UBE2F: variants seen among roughly 807,000 people sequenced by gnomAD.
The protein encoded by UBE2F is ubiquitin conjugating enzyme E2 F (putative), also known as NEDD8-conjugating enzyme UBE2F.
Under a neutral mutation model 29.6 loss-of-function variants are expected in UBE2F, and 5 were observed. The ratio of observed to expected loss-of-function variants is 0.17; its 90% confidence interval spans 0.09 to 0.36. UBE2F has a LOEUF of 0.36. Among genes scored for constraint, UBE2F ranks in the 10% least tolerant of loss-of-function variants. The probability of loss-of-function intolerance (pLI) is 1.00; values close to 1 mark genes in which losing one functional copy is unlikely to be tolerated. For missense variants in UBE2F, 141 were observed against 228.5 expected (o/e 0.62, Z 2.47); for synonymous variants, 66 against 81.8 (o/e 0.81, Z 1.04).
chr2:238,001,765 T>G (rs1040032909), intron 4 of UBE2F, among the ~76,000 whole-genome samples: 1 of 151,898 alleles, frequency 6.6e-6, no homozygotes. Context: ...GCTTGCAGTG[T>G]GCCGAGATTG....
chr2:238,022,557 T>G (rs1003960675), intron 5 of UBE2F, among the ~76,000 whole-genome samples: 4 of 152,240 alleles, frequency 2.6e-5, no homozygotes, highest in Admixed American at 1.3e-4. Flanking sequence ...TTGTATGTTA[T>G]GATATGCTTA....
intron 3 of UBE2F, among the ~76,000 whole-genome samples, chr2:237,991,697 G>A (rs2063594625): frequency 6.8e-6 from 1 of 146,862 alleles, no homozygotes; most frequent in South Asian, 2.1e-4. Flanking sequence ...CCACTTCCTG[G>A]ATTCAAGTGA....
chr2:238,032,475 C>T, intron 8 of UBE2F: 4 of 498,792 alleles, frequency 8.0e-6, no homozygotes, highest in Non-Finnish European at 1.1e-5. Flanking sequence ...ATTAGTTGGG[C>T]ATAGTGGCAC....
intron 4 of UBE2F, among the ~76,000 whole-genome samples, chr2:238,014,962 C>T (rs985909440): frequency 2.6e-5 from 4 of 152,060 alleles, no homozygotes; most frequent in African/African-American, 7.3e-5. Context: ...ACTAGAAATA[C>T]GCATCTCAAG....
chr2:237,984,127 C>T (rs148185160), intron 2 of UBE2F, among the ~76,000 whole-genome samples: 189 of 151,652 alleles, frequency 1.2e-3, no homozygotes, highest in Middle Eastern at 0.01. Context: ...CTGGCACTCC[C>T]GCATCCCAGC....
At chr2:238,031,133 G>A (rs895194320) in intron 7 of UBE2F, among the ~76,000 whole-genome samples, 1 of 152,230 alleles carries the variant, frequency 6.6e-6, no homozygotes, top group African/African-American at 2.4e-5. Context: ...TCCTGACCCA[G>A]CTCCTCCGAG....
At chr2:237,976,716 C>T (rs2063288402) in intron 2 of UBE2F, among the ~76,000 whole-genome samples, 1 of 152,170 alleles carries the variant, frequency 6.6e-6, no homozygotes, top group Non-Finnish European at 1.5e-5. Context: ...CCTAGAGGCC[C>T]CACCTCTTAA....
intron 2 of UBE2F, among the ~76,000 whole-genome samples, chr2:237,976,954 G>A (rs188372177): frequency 2.7e-4 from 41 of 152,236 alleles, no homozygotes; most frequent in Non-Finnish European, 4.7e-4. Flanking sequence ...CTCTGTGGGG[G>A]CAGATGCGAC....
intron 4 of UBE2F, among the ~76,000 whole-genome samples, chr2:238,015,387 G>A (rs897352415): frequency 2.6e-5 from 4 of 152,140 alleles, no homozygotes; most frequent in Non-Finnish European, 5.9e-5. Flanking sequence ...TGATCATTCA[G>A]TTCTTAAAAG....
At chr2:237,985,714 C>T (rs958907535) in intron 2 of UBE2F, among the ~76,000 whole-genome samples, 2 of 152,140 alleles carry the variant, frequency 1.3e-5, no homozygotes, top group African/African-American at 4.8e-5. Context: ...GGTAGATAAC[C>T]AGAGTGGGAT....
chr2:237,981,363 G>T (rs941388149), intron 2 of UBE2F, among the ~76,000 whole-genome samples: 1 of 151,846 alleles, frequency 6.6e-6, no homozygotes, highest in African/African-American at 2.4e-5. Context: ...GATGAGCACT[G>T]TGGGAGTGTG....
intron 2 of UBE2F, 118 bp from the exon 3 acceptor site, chr2:237,987,845 G>A: frequency 1.8e-6 from 1 of 559,462 alleles, no homozygotes; most frequent in Non-Finnish European, 3.0e-6. Flanking sequence ...GTTTTATTCA[G>A]TTCATCCTTT....
At chr2:238,002,063 ATTTT>A (rs10695548) in intron 4 of UBE2F, among the ~76,000 whole-genome samples, 1 of 126,190 alleles carries the variant, frequency 7.9e-6, no homozygotes, top group Non-Finnish European at 1.6e-5. Flanking sequence ...GAATATCCCA[ATTTT>A]TTTTTTTTTT....
rs908216511 is a variant in UBE2F at position 237,969,346 on chromosome 2, A to T, written c.-17+2214A>T. On this transcript the variant is annotated intron_variant, in intron 1 of 9. Transcript: ENST00000272930. ...TTCTTGGTGGTTGGCCTTTGAGTGC[A>T]TGAAGGATCTCTCTCCCCAGGCTTC... is the stretch of plus-strand genomic sequence containing the variant. Among the ~76,000 whole-genome samples the T allele has an allele frequency of 3.9e-4, 60 of 152,014 alleles. 1 individual carries two copies. The highest frequency in any genetic ancestry group is 1.5e-3 in the African/African-American group (60 of 41,378).
At position 237,972,566 on chromosome 2, in the gene UBE2F, T is replaced by C. The variant is rs1388538604; in HGVS notation, c.-16-526T>C. ...ATTTTTTTTTTTTTTTTTTTTTTTT[T>C]TTGAGACAGGGTCTTGCCGTGTCAC... On this transcript the variant is annotated intron_variant, in intron 1 of 9. Transcript: ENST00000272930. Among the ~76,000 whole-genome samples the C allele has an allele frequency of 7.1e-3, 772 of 108,154 alleles. 4 individuals carry two copies. The highest frequency in any genetic ancestry group is 0.011 in the Non-Finnish European group (566 of 50,334). 71.0% of individuals were successfully genotyped at this position (108,154 alleles called of 152,430 possible).
chr2:237,992,666 A>G (rs1469623979), intron 3 of UBE2F, among the ~76,000 whole-genome samples: 2 of 152,334 alleles, frequency 1.3e-5, no homozygotes, highest in Middle Eastern at 3.4e-3. Flanking sequence ...GTCATGAACT[A>G]GTTATTAATG....
intron 6 of UBE2F, among the ~76,000 whole-genome samples, chr2:238,030,266 A>G (rs760795112): frequency 5.3e-5 from 8 of 152,108 alleles, no homozygotes; most frequent in African/African-American, 9.7e-5. Context: ...TAAATTGACA[A>G]ATGTTCTTTG....
At chr2:238,026,468 T>C (rs1481348356) in intron 6 of UBE2F, among the ~76,000 whole-genome samples, 2 of 152,096 alleles carry the variant, frequency 1.3e-5, no homozygotes, top group African/African-American at 4.8e-5. Flanking sequence ...GAGTCTCGCT[T>C]TGTTGCCCAG....
At chr2:237,988,509 G>A (rs953760062) in intron 3 of UBE2F, among the ~76,000 whole-genome samples, 1 of 151,774 alleles carries the variant, frequency 6.6e-6, no homozygotes, top group Non-Finnish European at 1.5e-5. Context: ...CCAGCTACTC[G>A]GGAGGCTAAG....
Sources: allele counts gnomAD v4.1 joint callset (sites outside exome capture counted in the v4.1 genomes callset), GRCh38; gene constraint gnomAD v4.1.1; transcripts MANE v1.5; gene names NCBI Gene and HGNC (gene_info 2026-07-23, HGNC 2026-07-21).